The following SCFD1 variants were observed in gnomAD, a reference collection of about 807,000 sequenced individuals.
The protein encoded by SCFD1 is sec1 family domain-containing protein 1.
In SCFD1, 37 loss-of-function variants were observed where a neutral mutation model predicts 103.2. The observed-to-expected ratio is 0.36, with a 90% CI of 0.28 to 0.47. The LOEUF is 0.47. SCFD1 is among the 20% of genes least tolerant of loss of function. SCFD1 has a pLI of 1.00. For missense variants in SCFD1, 639 were observed against 761.2 expected (o/e 0.84, Z 1.89); for synonymous variants, 264 against 245.0 (o/e 1.08, Z -0.73).
At chr14:30,639,392 A>G (rs1443142839) in intron 5 of SCFD1, among the ~76,000 whole-genome samples, 3 of 152,226 alleles carry the variant, frequency 2.0e-5, no homozygotes, top group Admixed American at 2.0e-4. Context: ...TTTATTAGAA[A>G]AGTTCTTGGT....
intron 18 of SCFD1, 110 bp downstream of exon 18, chr14:30,705,995 G>C (rs1440715781): frequency 1.3e-6 from 1 of 795,556 alleles, no homozygotes; most frequent in East Asian, 2.7e-5. Flanking sequence ...ATGTCACCAT[G>C]CCTTTGGTGA....
At chr14:30,703,464 A>G (rs900041840) in intron 17 of SCFD1, among the ~76,000 whole-genome samples, 1 of 151,674 alleles carries the variant, frequency 6.6e-6, no homozygotes, top group Non-Finnish European at 1.5e-5. Flanking sequence ...ACTAAATGTT[A>G]ATAGTAGATA....
At position 30,673,282 on chromosome 14, in the gene SCFD1, G is replaced by T; in HGVS notation, c.1021G>T (p.Val341Phe). The T allele has an allele frequency of 6.3e-7, 1 of 1,597,442 alleles. No individual in the cohort carries two copies. Among genetic ancestry groups the T allele is most frequent in the African/African-American group, 1.3e-5 (1 of 74,744 alleles). ...GSPFPEVAES[V>F]QQELESYRAQ... ...TCCATTCCCAGAAGTTGCAGAATCA[G>T]TTCAGCAAGAACTAGAATCTTACAG... is the stretch of plus-strand genomic sequence containing the variant. The change falls in exon 12 of 25, where the codon GTT becomes TTT. Residue 341 changes from valine to phenylalanine, a missense_variant. Transcript: ENST00000458591.
chr14:30,622,385 G>C lies in SCFD1; in HGVS notation c.47G>C (p.Arg16Pro). 6.4e-7 allele frequency: 1 copy of C among 1,555,108 alleles called. No individual in the cohort carries two copies. Among genetic ancestry groups the C allele is most frequent in the Non-Finnish European group, 8.7e-7 (1 of 1,148,928 alleles). ...AATAAAAASI[R>P]ERQTVALKRM... is the part of the protein sequence containing the mutation. ...ACAGCAGCAGCAGCAGCCAGTATTC[G>C]GGAAAGGCAGACAGGTACTGACTTA... The change falls in exon 1 of 25, where the codon CGG (arginine) becomes CCG (proline). Residue 16 changes from arginine to proline, a missense_variant. Physicochemically the swap from Arg to Pro is moderately radical, Grantham distance 103. Coordinates refer to ENST00000458591, the MANE Select transcript of SCFD1 (RefSeq NM_016106.4).
intron 23 of SCFD1, among the ~76,000 whole-genome samples, chr14:30,728,014 C>T (rs773500168): frequency 6.6e-6 from 1 of 152,186 alleles, no homozygotes; most frequent in Middle Eastern, 3.2e-3. Context: ...TGCAACTGAT[C>T]CGTCTTCCTG....
chr14:30,693,444 T>C (rs1047958603), intron 14 of SCFD1, among the ~76,000 whole-genome samples: 1 of 152,214 alleles, frequency 6.6e-6, no homozygotes, highest in Non-Finnish European at 1.5e-5. Flanking sequence ...TATAAAACTT[T>C]GGCCTTGCGT....
At chr14:30,711,171 G>A (rs1268393589) in intron 19 of SCFD1, among the ~76,000 whole-genome samples, 1 of 152,046 alleles carries the variant, frequency 6.6e-6, no homozygotes, top group Non-Finnish European at 1.5e-5. Context: ...TGGCCTGTTT[G>A]CAAAAATAAT....
intron 1 of SCFD1, 120 bp from the exon 2 acceptor site, chr14:30,628,089 G>A: frequency 1.6e-6 from 1 of 633,218 alleles, no homozygotes; most frequent in Non-Finnish European, 2.8e-6. Flanking sequence ...ATAGTCATTT[G>A]GTTAATCAGT....
chr14:30,703,267 G>C (rs993333074), intron 17 of SCFD1, among the ~76,000 whole-genome samples: 1 of 149,332 alleles, frequency 6.7e-6, no homozygotes, highest in African/African-American at 2.5e-5. Context: ...TTAACCTGCT[G>C]GGGGTGATAG....
intron 15 of SCFD1, among the ~76,000 whole-genome samples, chr14:30,699,684 A>C (rs559151975): frequency 6.6e-6 from 1 of 152,142 alleles, no homozygotes; most frequent in Non-Finnish European, 1.5e-5. Flanking sequence ...GGGCCCCCCA[A>C]TTTGAGAAGT....
chr14:30,655,001 AAC>A (rs1886764233), intron 10 of SCFD1, among the ~76,000 whole-genome samples: 1 of 152,188 alleles, frequency 6.6e-6, no homozygotes, highest in African/African-American at 2.4e-5. Flanking sequence ...CCTACTCTTT[AAC>A]ACACTTTCTA....
intron 23 of SCFD1, among the ~76,000 whole-genome samples, chr14:30,727,018 A>G (rs1893089977): frequency 6.6e-6 from 1 of 152,178 alleles, no homozygotes; most frequent in Non-Finnish European, 1.5e-5. Flanking sequence ...GGGCGAGGGA[A>G]GACAAAAGTT....
chr14:30,634,287 A>C (rs542919394), intron 4 of SCFD1, among the ~76,000 whole-genome samples: 1 of 152,350 alleles, frequency 6.6e-6, no homozygotes, highest in Non-Finnish European at 1.5e-5. Context: ...ACAGTTAACC[A>C]GGTACTGAAT....
At chr14:30,622,463 G>A in intron 1 of SCFD1, 64 bp downstream of exon 1, 1 of 1,540,528 alleles carries the variant, frequency 6.5e-7, no homozygotes, top group Non-Finnish European at 8.8e-7. Context: ...TTCTCCTCTG[G>A]TGCGTGCAGC....
intron 14 of SCFD1, among the ~76,000 whole-genome samples, chr14:30,691,000 G>A (rs1027343629): frequency 8.5e-5 from 13 of 152,188 alleles, no homozygotes; most frequent in African/African-American, 2.9e-4. Context: ...TTAATCTTTG[G>A]AATTACAGAA....
chr14:30,680,329 A>G (rs1403830727), intron 14 of SCFD1, among the ~76,000 whole-genome samples: 1 of 152,224 alleles, frequency 6.6e-6, no homozygotes, highest in Admixed American at 6.5e-5. Flanking sequence ...TGAAAATACA[A>G]ACATAGGATG....
At chr14:30,696,922 T>G (rs748744458) in intron 15 of SCFD1, among the ~76,000 whole-genome samples, 7 of 152,152 alleles carry the variant, frequency 4.6e-5, no homozygotes, top group Non-Finnish European at 1.0e-4. Flanking sequence ...AATTTCCCAT[T>G]GTCAGAGGAG....
chr14:30,707,796 TA>T, intron 18 of SCFD1, 193 bp from the exon 19 acceptor site: 1 of 649,636 alleles, frequency 1.5e-6, no homozygotes, highest in South Asian at 1.5e-5. Flanking sequence ...ATTACTATTT[TA>T]TTGTTAAATA....
In SCFD1 at chr14:30,681,912, C is replaced by A. The variant is rs929196964; in HGVS notation, c.1242+6847C>A. 2.0e-5 allele frequency among the ~76,000 whole-genome samples: 3 copies of A among 152,254 alleles called. No individual in the cohort carries two copies. In the South Asian group the frequency reaches 6.2e-4, roughly 32 times the overall value. On this transcript the variant is annotated intron_variant, in intron 14 of 24. Coordinates refer to ENST00000458591, the MANE Select transcript of SCFD1 (RefSeq NM_016106.4). ...AATATTAAATACAATTCAATGAGAGCAGTTCTATGAGTTACCAAGGTAGCC... is the reference window on the plus strand; with the variant it reads ...AATATTAAATACAATTCAATGAGAGAAGTTCTATGAGTTACCAAGGTAGCC...
Sources: gnomAD v4.1 joint callset for allele counts (sites outside exome capture counted in the v4.1 genomes callset) on GRCh38, gnomAD v4.1.1 for gene constraint, MANE v1.5 for transcripts, NCBI Gene and HGNC (gene_info 2026-07-23, HGNC 2026-07-21) for gene names.